CPED1: variants seen among roughly 807,000 people sequenced by gnomAD.
The protein encoded by CPED1 is cadherin-like and PC-esterase domain-containing protein 1.
In CPED1, 114 loss-of-function variants were observed where a neutral mutation model predicts 128.2. That is an observed-to-expected ratio of 0.89 (90% CI 0.76 to 1.04). The LOEUF (loss-of-function observed/expected upper bound fraction) is 1.04. Among genes scored for constraint, CPED1 ranks in the 50% least tolerant of loss-of-function variants. The pLI is 0.00. For synonymous variants in CPED1, 462 were observed against 426.7 expected, an observed-to-expected ratio of 1.08 and a Z score of -1.02; for missense variants, 1,211 against 1,207.1, an observed-to-expected ratio of 1.00 and a Z score of -0.05.
chr7:121,163,651 C>T (rs1248698599), intron 16 of CPED1, among the ~76,000 whole-genome samples: 1 of 152,176 alleles, frequency 6.6e-6, no homozygotes, highest in Non-Finnish European at 1.5e-5. Context: ...TTGTTCTGCT[C>T]ACTAGACAGA....
At chr7:121,272,890 G>A (rs1358504830) in intron 22 of CPED1, among the ~76,000 whole-genome samples, 1 of 152,116 alleles carries the variant, frequency 6.6e-6, no homozygotes, top group Admixed American at 6.5e-5. Flanking sequence ...AGCTCACACA[G>A]AAATTCCATC....
intron 16 of CPED1, among the ~76,000 whole-genome samples, chr7:121,159,990 T>C (rs1279022083): frequency 1.3e-5 from 2 of 152,222 alleles, no homozygotes; most frequent in Admixed American, 1.3e-4. Context: ...TGGGGTATTT[T>C]TGCATATATA....
chr7:121,125,045 G>A (rs901060722), intron 8 of CPED1, among the ~76,000 whole-genome samples: 1 of 152,066 alleles, frequency 6.6e-6, no homozygotes, highest in Non-Finnish European at 1.5e-5. Flanking sequence ...AGGAGTAGGA[G>A]AGTTTTCTTC....
chr7:121,029,569 G>T (rs953292689), intron 3 of CPED1, among the ~76,000 whole-genome samples: 33 of 152,108 alleles, frequency 2.2e-4, no homozygotes, highest in African/African-American at 7.7e-4. Context: ...AAATGTATCA[G>T]GAATAATGAG....
intron 2 of CPED1, among the ~76,000 whole-genome samples, chr7:120,993,606 A>T (rs1169415982): frequency 2.0e-5 from 3 of 152,172 alleles, no homozygotes; most frequent in African/African-American, 4.8e-5. Context: ...GAAAATTTCT[A>T]AAAAAATTCC....
At chr7:121,056,190 A>G (rs1793495705) in intron 4 of CPED1, among the ~76,000 whole-genome samples, 1 of 152,122 alleles carries the variant, frequency 6.6e-6, no homozygotes, top group Non-Finnish European at 1.5e-5. Context: ...AATAACTGAA[A>G]TGTTAGGAAT....
intron 16 of CPED1, among the ~76,000 whole-genome samples, chr7:121,189,355 G>A (rs1003168339): frequency 2.0e-4 from 31 of 152,126 alleles, no homozygotes; most frequent in African/African-American, 1.4e-4. Flanking sequence ...AAGCCTAAAC[G>A]TAGTTACAAT....
chr7:121,294,392 T>A (rs562625699), intron 22 of CPED1, among the ~76,000 whole-genome samples: 6 of 152,146 alleles, frequency 3.9e-5, no homozygotes, highest in Non-Finnish European at 7.3e-5. Context: ...TTCTCTGTGG[T>A]GGGAAGATCT....
intron 5 of CPED1, among the ~76,000 whole-genome samples, chr7:121,075,945 C>G (rs958012781): frequency 6.6e-6 from 1 of 152,102 alleles, no homozygotes; most frequent in African/African-American, 2.4e-5. Flanking sequence ...TGAACCCATG[C>G]AGTTCAAACC....
chr7:121,056,900 A>G (rs1164757012), intron 4 of CPED1, among the ~76,000 whole-genome samples: 1 of 152,208 alleles, frequency 6.6e-6, no homozygotes, highest in Non-Finnish European at 1.5e-5. Context: ...TTGAGTATTT[A>G]TTATTTCTAT....
chr7:121,125,717 G>A, intron 8 of CPED1, 103 bp from the exon 9 acceptor site: 1 of 744,524 alleles, frequency 1.3e-6, no homozygotes, highest in East Asian at 2.6e-5. Flanking sequence ...ATCATTAATG[G>A]GCATTTGGGT....
At chr7:121,240,545 T>C (rs1798366475) in intron 17 of CPED1, among the ~76,000 whole-genome samples, 2 of 152,198 alleles carry the variant, frequency 1.3e-5, no homozygotes, top group South Asian at 4.1e-4. Context: ...ATAAATTCAT[T>C]ATAACAATCA....
Position 121,003,134 on chromosome 7 carries a change from C to T in CPED1, c.250-12531C>T, listed in dbSNP as rs145080151. ...GTCAGCAGTCCTTGAATTCTTCTTT[C>T]GTATTTTCCATTCAGCTCTTAAACT... On this transcript the variant is annotated intron_variant, in intron 2 of 22. Coordinates refer to ENST00000310396, the MANE Select transcript of CPED1 (RefSeq NM_024913.5). 9.9e-5 allele frequency among the ~76,000 whole-genome samples: 15 copies of T among 152,238 alleles called. No individual in the cohort carries two copies. In the East Asian group the frequency reaches 1.4e-3, roughly 14 times the overall value.
chr7:121,023,434 A>C (rs901734289), intron 3 of CPED1, among the ~76,000 whole-genome samples: 1 of 152,100 alleles, frequency 6.6e-6, no homozygotes, highest in Non-Finnish European at 1.5e-5. Flanking sequence ...AACAGAAGCA[A>C]CTCTGGGTTG....
intron 16 of CPED1, among the ~76,000 whole-genome samples, chr7:121,187,061 G>T (rs1797020017): frequency 6.6e-6 from 1 of 152,204 alleles, no homozygotes; most frequent in East Asian, 1.9e-4. Flanking sequence ...GTACCCACAA[G>T]AATATAAAGG....
intron 7 of CPED1, among the ~76,000 whole-genome samples, chr7:121,120,972 AAAAAAAAAAAAAAAAC>A (rs1472577372): frequency 1.4e-5 from 2 of 148,146 alleles, no homozygotes; most frequent in Non-Finnish European, 3.0e-5. Flanking sequence ...GACCTAAAAA[AAAAAAAAAAAAAAAAC>A]AAAAAAACTC....
At chr7:121,281,733 A>G (rs1398642675) in intron 22 of CPED1, among the ~76,000 whole-genome samples, 2 of 152,174 alleles carry the variant, frequency 1.3e-5, no homozygotes, top group Admixed American at 6.5e-5. Context: ...TATATTTAAA[A>G]TATTTGTCTT....
At chr7:121,103,868 A>G (rs1794910408) in intron 7 of CPED1, among the ~76,000 whole-genome samples, 1 of 152,108 alleles carries the variant, frequency 6.6e-6, no homozygotes, top group Admixed American at 6.6e-5. Flanking sequence ...CTATGAGCTC[A>G]TTTATTTCCA....
intron 4 of CPED1, among the ~76,000 whole-genome samples, chr7:121,063,870 G>C (rs762359879): frequency 3.3e-5 from 5 of 152,204 alleles, no homozygotes; most frequent in Admixed American, 6.5e-5. Context: ...GAATGTTTAT[G>C]AAATTTTGGA....
Sources: allele counts gnomAD v4.1 joint callset (sites outside exome capture counted in the v4.1 genomes callset), GRCh38; gene constraint gnomAD v4.1.1; transcripts MANE v1.5; gene names NCBI Gene and HGNC (gene_info 2026-07-23, HGNC 2026-07-21).